Variants in EHBP1 observed in about 807,000 individuals in gnomAD.
EHBP1 encodes the protein EH domain binding protein 1.
In EHBP1, 55 loss-of-function variants were observed where a neutral mutation model predicts 144.0. That is an observed-to-expected ratio of 0.38 (90% CI 0.31 to 0.48). The LOEUF is 0.48. EHBP1 is among the 20% of genes least tolerant of loss of function. EHBP1 has a pLI of 0.98. For synonymous variants in EHBP1, 469 were observed against 472.7 expected (o/e 0.99, Z 0.10); for missense variants, 1,200 against 1,364.2 (o/e 0.88, Z 1.90).
chr2:62,955,480 T>TC, intron 13 of EHBP1, 37 bp from the exon 14 acceptor site: 2 of 1,579,614 alleles, frequency 1.3e-6, no homozygotes, highest in Non-Finnish European at 1.7e-6. Flanking sequence ...TTACCCGTTT[T>TC]TTTTTTGGCT....
chr2:62,807,167 G>A (rs1328301674), intron 5 of EHBP1, among the ~76,000 whole-genome samples: 3 of 152,138 alleles, frequency 2.0e-5, no homozygotes, highest in East Asian at 3.8e-4. Context: ...TGTTATTCAC[G>A]GGACAACATA....
chr2:62,834,019 T>C (rs1343433762), intron 7 of EHBP1, among the ~76,000 whole-genome samples: 1 of 152,080 alleles, frequency 6.6e-6, no homozygotes, highest in East Asian at 1.9e-4. Context: ...TGTGGAAAAA[T>C]AGCAAGAGGA....
chr2:63,038,497 A>C (rs2061534193), intron 20 of EHBP1, among the ~76,000 whole-genome samples: 1 of 152,174 alleles, frequency 6.6e-6, no homozygotes, highest in Non-Finnish European at 1.5e-5. Flanking sequence ...GCAATGAAGA[A>C]AGTGAGTAAT....
intron 19 of EHBP1, among the ~76,000 whole-genome samples, chr2:63,019,830 GGGAAGGAAGGAA>G (rs539462695): frequency 0.064 from 2,224 of 34,650 alleles, 58 homozygotes; most frequent in African/African-American, 0.12. Context: ...AAGAGGGGGA[GGGAAGGAAGGAA>G]GGAAGGAAGG....
At position 62,979,187 on chromosome 2, in the gene EHBP1, G is replaced by A. The variant is rs1286699301; in HGVS notation, c.2461-1G>A. ...GTTGGCAACTGTTCAATATATCTTAGCAGCAAGATGAAGAGCGACGTCGGC... is the reference window on the plus strand; with the variant it reads ...GTTGGCAACTGTTCAATATATCTTAACAGCAAGATGAAGAGCGACGTCGGC... On this transcript the variant is annotated splice_acceptor_variant, in intron 14 of 22. Transcript: ENST00000431489. LOFTEE classifies it high-confidence loss of function. 1 of 1,611,554 alleles carries A rather than the reference G, an allele frequency of 6.2e-7. No homozygotes were observed. Among genetic ancestry groups the A allele is most frequent in the Non-Finnish European group, 8.5e-7 (1 of 1,178,928 alleles).
chr2:62,836,215 C>T (rs1024150155), intron 7 of EHBP1, among the ~76,000 whole-genome samples: 2 of 152,066 alleles, frequency 1.3e-5, no homozygotes, highest in Non-Finnish European at 2.9e-5. Context: ...CTGGGAGGCA[C>T]CCCCCAGCAG....
chr2:62,870,661 A>AGCCC (rs2050389205), intron 9 of EHBP1, among the ~76,000 whole-genome samples: 2 of 147,656 alleles, frequency 1.4e-5, no homozygotes, highest in Admixed American at 1.4e-4. Flanking sequence ...GGTTGCAGTG[A>AGCCC]GCCCAGATCA....
chr2:62,891,258 C>G (rs898841391), intron 10 of EHBP1, among the ~76,000 whole-genome samples: 1 of 151,928 alleles, frequency 6.6e-6, no homozygotes, highest in Non-Finnish European at 1.5e-5. Flanking sequence ...TGTAAATTCA[C>G]TGAAAAGTTT....
chr2:62,919,196 G>A (rs2054871271), intron 10 of EHBP1, among the ~76,000 whole-genome samples: 1 of 152,212 alleles, frequency 6.6e-6, no homozygotes, highest in Non-Finnish European at 1.5e-5. Context: ...CAAAGAGGTG[G>A]TGGCCATTGT....
intron 19 of EHBP1, among the ~76,000 whole-genome samples, chr2:63,010,881 A>G (rs1275951803): frequency 6.6e-6 from 1 of 151,638 alleles, no homozygotes; most frequent in Non-Finnish European, 1.5e-5. Flanking sequence ...TAAGTACACA[A>G]CCCCAATTTA....
At chr2:62,748,247 G>C (rs2039339502) in intron 3 of EHBP1, among the ~76,000 whole-genome samples, 2 of 152,278 alleles carry the variant, frequency 1.3e-5, no homozygotes, top group African/African-American at 4.8e-5. Context: ...CTGGGGTGCA[G>C]AAGAGGAGTT....
intron 15 of EHBP1, chr2:62,988,038 G>C: frequency 3.2e-6 from 5 of 1,565,730 alleles, no homozygotes; most frequent in Non-Finnish European, 4.4e-6. Context: ...TGATACTCCC[G>C]GTAATTTCAA....
intron 14 of EHBP1, among the ~76,000 whole-genome samples, chr2:62,972,605 G>A (rs1399537233): frequency 6.6e-6 from 1 of 152,006 alleles, no homozygotes; most frequent in African/African-American, 2.4e-5. Flanking sequence ...TATTTTCTCA[G>A]TTGGTTTTTT....
rs932495711 is a variant in EHBP1, at chr2:62,684,635, G to A, written c.-296+10552G>A. On this transcript the variant is annotated intron_variant, in intron 1 of 22. Coordinates refer to the EHBP1 transcript ENST00000405015. ...TTATTACCAGCATTTGTCAAAATAA[G>A]GTGTGGATGTGCTTTAAAACAAGCA... Among the ~76,000 whole-genome samples, 3 of 152,208 alleles carry A rather than the reference G, an allele frequency of 2.0e-5. No individual in the cohort carries two copies. In the East Asian group the frequency reaches 5.8e-4, roughly 29 times the overall value.
chr2:62,684,642 A>G (rs1271405435), intron 1 of EHBP1, among the ~76,000 whole-genome samples: 1 of 152,226 alleles, frequency 6.6e-6, no homozygotes, highest in Non-Finnish European at 1.5e-5. Context: ...TAAGGTGTGG[A>G]TGTGCTTTAA....
intron 8 of EHBP1, 43 bp downstream of exon 8, chr2:62,859,334 G>A (rs1248022477): frequency 6.4e-7 from 1 of 1,554,710 alleles, no homozygotes; most frequent in Non-Finnish European, 8.7e-7. Flanking sequence ...GTATAGTCAA[G>A]TTGACTTGAA....
chr2:62,867,708 G>A (rs2152823488), intron 9 of EHBP1, among the ~76,000 whole-genome samples: 1 of 152,218 alleles, frequency 6.6e-6, no homozygotes, highest in Admixed American at 6.5e-5. Flanking sequence ...TTTGTCAGCT[G>A]TTTATAAAAT....
intron 2 of EHBP1, among the ~76,000 whole-genome samples, chr2:62,737,296 T>C (rs2038233517): frequency 6.6e-6 from 1 of 152,198 alleles, no homozygotes; most frequent in African/African-American, 2.4e-5. Context: ...TTTTCTCTGT[T>C]GTTCACTGTG....
rs551636137 is a variant in EHBP1, at chr2:62,856,642, T to A, written c.635-2527T>A. ...AGTCCAGCAGGCCTGAGCAAAAAAC[T>A]CAGGCAAAGGCACCACTGGCCACAG... is the stretch of plus-strand genomic sequence containing the variant. On this transcript the variant is annotated intron_variant, in intron 7 of 22. Transcript: ENST00000431489. 4.9e-4 allele frequency among the ~76,000 whole-genome samples: 74 copies of A among 152,134 alleles called. 1 individual carries two copies. Among genetic ancestry groups the A allele is most frequent in the African/African-American group, 1.6e-3 (66 of 41,500 alleles).
Sources: gnomAD v4.1 joint callset for allele counts (sites outside exome capture counted in the v4.1 genomes callset) on GRCh38, gnomAD v4.1.1 for gene constraint, MANE v1.5 for transcripts, NCBI Gene and HGNC (gene_info 2026-07-23, HGNC 2026-07-21) for gene names.